XKR6: variants seen among roughly 807,000 people sequenced by gnomAD.
XKR6 encodes XK-related protein 6.
XKR6 carries 22 observed loss-of-function variants against 56.7 expected under a neutral mutation model. The ratio of observed to expected loss-of-function variants is 0.39; its 90% CI spans 0.28 to 0.55. The LOEUF (loss-of-function observed/expected upper bound fraction) is 0.55, where lower values mean the gene tolerates loss of function less well. XKR6 is among the 20% of genes least tolerant of loss of function. The pLI is 0.66. For synonymous variants in XKR6, 524 were observed against 387.8 expected, an observed-to-expected ratio of 1.35 and a Z score of -4.13; for missense variants, 852 against 889.0, an observed-to-expected ratio of 0.96 and a Z score of 0.53.
At chr8:11,117,049 G>C (rs573620775) in intron 1 of XKR6, among the ~76,000 whole-genome samples, 3 of 152,172 alleles carry the variant, frequency 2.0e-5, no homozygotes, top group African/African-American at 7.2e-5. Context: ...ATGAATTCTA[G>C]TGAGTTAGTT....
chr8:10,964,198 TG>T (rs1284182499), intron 1 of XKR6, among the ~76,000 whole-genome samples: 1 of 152,140 alleles, frequency 6.6e-6, no homozygotes, highest in African/African-American at 2.4e-5. Flanking sequence ...TCCTGTATCC[TG>T]GGGGAAGACC....
In XKR6 at chr8:11,006,088, C is replaced by A. The variant is rs1412869436; in HGVS notation, c.765-81258G>T. Among the ~76,000 whole-genome samples the A allele has an allele frequency of 2.0e-5, 3 of 152,112 alleles. No homozygotes were observed. The East Asian group carries it at 5.8e-4, about 29-fold the overall frequency. On this transcript the variant is annotated intron_variant, in intron 1 of 2. Coordinates refer to ENST00000416569, the MANE Select transcript of XKR6 (RefSeq NM_173683.4). ...CGAACTCCTGACCTCAAGTGATCCG[C>A]CCGCCTCGGCCTCCCAAAGTGCTGC...
At chr8:10,991,133 AC>A (rs1797982108) in intron 1 of XKR6, among the ~76,000 whole-genome samples, 1 of 151,632 alleles carries the variant, frequency 6.6e-6, no homozygotes, top group Admixed American at 6.6e-5. Flanking sequence ...TGAACTCCTG[AC>A]CTCAGGTGAT....
chr8:10,993,606 G>T (rs950099202), intron 1 of XKR6, among the ~76,000 whole-genome samples: 3 of 152,192 alleles, frequency 2.0e-5, no homozygotes, highest in African/African-American at 7.2e-5. Flanking sequence ...CAGAGGAGCT[G>T]GTACTAAGCA....
intron 2 of XKR6, among the ~76,000 whole-genome samples, chr8:10,908,227 G>C (rs1055693796): frequency 6.6e-6 from 1 of 152,206 alleles, no homozygotes; most frequent in African/African-American, 2.4e-5. Context: ...CATGCAACGA[G>C]CATGAAGGAA....
intron 1 of XKR6, among the ~76,000 whole-genome samples, chr8:11,193,748 C>G (rs1175624541): frequency 1.4e-5 from 2 of 139,350 alleles, no homozygotes; most frequent in Non-Finnish European, 1.6e-5. Flanking sequence ...ACCCCCCCCC[C>G]CCCACAAAAG....
At chr8:10,932,934 T>C (rs1563296341) in intron 1 of XKR6, among the ~76,000 whole-genome samples, 2 of 147,270 alleles carry the variant, frequency 1.4e-5, no homozygotes, top group South Asian at 2.2e-4. Context: ...CATTTGGGTA[T>C]ATACCCAGTA....
intron 1 of XKR6, among the ~76,000 whole-genome samples, chr8:10,982,937 A>G (rs1290396351): frequency 6.6e-6 from 1 of 152,200 alleles, no homozygotes; most frequent in Non-Finnish European, 1.5e-5. Flanking sequence ...CTTCCTAGCT[A>G]TATGGCCTTG....
At chr8:11,156,871 A>T in intron 1 of XKR6, among the ~76,000 whole-genome samples, 1 of 152,102 alleles carries the variant, frequency 6.6e-6, no homozygotes, top group East Asian at 1.9e-4. Context: ...AGAGTCCTTC[A>T]GGGTAGGCTA....
intron 1 of XKR6, among the ~76,000 whole-genome samples, chr8:11,031,449 T>G (rs1203070388): frequency 6.6e-6 from 1 of 152,140 alleles, no homozygotes; most frequent in Admixed American, 6.5e-5. Flanking sequence ...CAAAGACAAG[T>G]GTAGCCCACG....
chr8:10,956,188 C>G (rs1290066596), intron 1 of XKR6, among the ~76,000 whole-genome samples: 1 of 152,220 alleles, frequency 6.6e-6, no homozygotes, highest in African/African-American at 2.4e-5. Context: ...GGAGCTGGGA[C>G]CCTCTCTTCC....
At chr8:10,925,452 G>A (rs1347254765) in intron 1 of XKR6, among the ~76,000 whole-genome samples, 2 of 152,146 alleles carry the variant, frequency 1.3e-5, no homozygotes, top group East Asian at 1.9e-4. Context: ...CCAGGCCACT[G>A]GACACCCTCC....
intron 1 of XKR6, among the ~76,000 whole-genome samples, chr8:10,951,256 T>C (rs1586345753): frequency 9.1e-6 from 1 of 109,616 alleles, no homozygotes; most frequent in African/African-American, 3.6e-5. Context: ...ACAAGGGCTG[T>C]GGGGAAAATA....
chr8:11,196,588 C>T (rs17783634), intron 1 of XKR6, among the ~76,000 whole-genome samples: 2 of 152,024 alleles, frequency 1.3e-5, no homozygotes, highest in African/African-American at 4.8e-5. Flanking sequence ...TAATGGTACC[C>T]GATCATTCCT....
chr8:11,173,410 C>T (rs1468973948), intron 1 of XKR6, among the ~76,000 whole-genome samples: 1 of 149,586 alleles, frequency 6.7e-6, no homozygotes, highest in Non-Finnish European at 1.5e-5. Flanking sequence ...TATATATATA[C>T]ATATACATAT....
At chr8:11,184,953 T>C (rs1803193505) in intron 1 of XKR6, among the ~76,000 whole-genome samples, 1 of 152,204 alleles carries the variant, frequency 6.6e-6, no homozygotes, top group African/African-American at 2.4e-5. Context: ...TCATTGACCA[T>C]CATTTAGTTA....
intron 1 of XKR6, among the ~76,000 whole-genome samples, chr8:11,119,862 G>A (rs571459585): frequency 1.5e-3 from 223 of 152,248 alleles, no homozygotes; most frequent in African/African-American, 5.2e-3. Context: ...TTCATCCCTG[G>A]ATGCAAGGCT....
At chr8:11,129,860 C>G (rs758672664) in intron 1 of XKR6, among the ~76,000 whole-genome samples, 2 of 151,652 alleles carry the variant, frequency 1.3e-5, no homozygotes, top group African/African-American at 2.4e-5. Flanking sequence ...TGTGTGAAGA[C>G]AATTCAATCT....
intron 1 of XKR6, among the ~76,000 whole-genome samples, chr8:10,930,221 G>T (rs1801014900): frequency 6.6e-6 from 1 of 152,188 alleles, no homozygotes; most frequent in Non-Finnish European, 1.5e-5. Flanking sequence ...GTCTCCAGCT[G>T]CTTCTTATGA....
Sources: gnomAD v4.1 joint callset for allele counts (sites outside exome capture counted in the v4.1 genomes callset) on GRCh38, gnomAD v4.1.1 for gene constraint, MANE v1.5 for transcripts, NCBI Gene and HGNC (gene_info 2026-07-23, HGNC 2026-07-21) for gene names.